Variants in SNX29 observed in about 807,000 individuals in gnomAD.
The protein encoded by SNX29 is sorting nexin-29.
SNX29 carries 78 observed loss-of-function variants against 102.1 expected under a neutral mutation model. That is an observed-to-expected ratio of 0.76 (90% CI 0.64 to 0.92). The LOEUF (loss-of-function observed/expected upper bound fraction) is 0.92. Ranked by LOEUF, SNX29 falls within the 40% of genes least tolerant of loss-of-function variation. The probability of loss-of-function intolerance (pLI) is 0.00; values close to 1 mark genes in which losing one functional copy is unlikely to be tolerated. For missense variants in SNX29, 1,280 were observed against 1,061.7 expected (o/e 1.21, Z -2.86); for synonymous variants, 580 against 414.5 (o/e 1.40, Z -4.85).
chr16:12,558,826 CCA>C (rs2078538617), intron 20 of SNX29, among the ~76,000 whole-genome samples: 1 of 152,162 alleles, frequency 6.6e-6, no homozygotes, highest in African/African-American at 2.4e-5. Flanking sequence ...AGGGGCAGGG[CCA>C]CAGTCACCAA....
At chr16:12,294,086 G>A (rs577035065) in intron 15 of SNX29, among the ~76,000 whole-genome samples, 2 of 152,306 alleles carry the variant, frequency 1.3e-5, no homozygotes, top group Admixed American at 1.3e-4. Context: ...AGGAGATGAC[G>A]GTCAGTCCCC....
chr16:12,059,003 A>G (rs920279038), intron 8 of SNX29, among the ~76,000 whole-genome samples: 1 of 151,848 alleles, frequency 6.6e-6, no homozygotes, highest in Non-Finnish European at 1.5e-5. Context: ...TCTTGGGCTC[A>G]AGTGATCCTT....
intron 10 of SNX29, among the ~76,000 whole-genome samples, chr16:12,070,754 C>G (rs1263566247): frequency 6.6e-6 from 1 of 152,140 alleles, no homozygotes; most frequent in African/African-American, 2.4e-5. Flanking sequence ...AATCGCCACA[C>G]TGACTTCCAC....
chr16:12,536,409 C>A (rs571261353), intron 20 of SNX29, among the ~76,000 whole-genome samples: 5 of 152,002 alleles, frequency 3.3e-5, no homozygotes, highest in Admixed American at 3.3e-4. Flanking sequence ...AGCAGAATGG[C>A]CTCATCAGTA....
chr16:12,034,872 A>G (rs1196719313), intron 4 of SNX29, among the ~76,000 whole-genome samples: 4 of 152,160 alleles, frequency 2.6e-5, no homozygotes, highest in Non-Finnish European at 4.4e-5. Flanking sequence ...TTAGCTGGGC[A>G]TGGTGGTAGG....
intron 13 of SNX29, among the ~76,000 whole-genome samples, chr16:12,148,757 G>A (rs1041442440): frequency 5.9e-5 from 9 of 152,072 alleles, no homozygotes; most frequent in African/African-American, 1.9e-4. Flanking sequence ...GAGTACAATG[G>A]CACGATCTTG....
At chr16:12,215,939 G>T (rs993126465) in intron 14 of SNX29, among the ~76,000 whole-genome samples, 1 of 152,144 alleles carries the variant, frequency 6.6e-6, no homozygotes, top group Non-Finnish European at 1.5e-5. Context: ...GGAGTGGTGC[G>T]TGCACAGTTG....
At chr16:12,146,848 G>C (rs773851237) in intron 13 of SNX29, among the ~76,000 whole-genome samples, 2 of 152,190 alleles carry the variant, frequency 1.3e-5, no homozygotes, top group Non-Finnish European at 2.9e-5. Context: ...ATGACCAACA[G>C]TGGAAAGCCA....
At chr16:12,408,111 T>C (rs997866166) in intron 18 of SNX29, among the ~76,000 whole-genome samples, 5 of 151,276 alleles carry the variant, frequency 3.3e-5, no homozygotes, top group South Asian at 2.1e-4. Context: ...TGAGCTGTTA[T>C]AATGCCACTG....
intron 4 of SNX29, among the ~76,000 whole-genome samples, chr16:12,031,892 T>C (rs2057356324): frequency 6.6e-6 from 1 of 152,164 alleles, no homozygotes; most frequent in African/African-American, 2.4e-5. Flanking sequence ...AAGTGTACAA[T>C]TCAGTGTAAG....
chr16:11,978,059 G>C (rs1264821523), intron 1 of SNX29, among the ~76,000 whole-genome samples: 1 of 152,156 alleles, frequency 6.6e-6, no homozygotes, highest in East Asian at 1.9e-4. Context: ...AGTTATCTCT[G>C]TGGACCTTTT....
chr16:12,357,062 G>C (rs1597055494), intron 16 of SNX29, among the ~76,000 whole-genome samples: 1 of 152,218 alleles, frequency 6.6e-6, no homozygotes, highest in African/African-American at 2.4e-5. Context: ...CCAGTATTTT[G>C]CTATTACAAA....
intron 19 of SNX29, among the ~76,000 whole-genome samples, chr16:12,513,681 C>A (rs545887525): frequency 5.9e-5 from 9 of 152,242 alleles, no homozygotes; most frequent in African/African-American, 2.2e-4. Context: ...GGGCCAAGTC[C>A]CAGTATAAAG....
At chr16:12,220,502 T>A (rs1202473886) in intron 14 of SNX29, among the ~76,000 whole-genome samples, 1 of 152,088 alleles carries the variant, frequency 6.6e-6, no homozygotes, top group East Asian at 1.9e-4. Flanking sequence ...GATTTTATCC[T>A]CAGGCTAGGG....
chr16:12,391,978 C>A (rs1027421946), intron 16 of SNX29, among the ~76,000 whole-genome samples: 6 of 152,214 alleles, frequency 3.9e-5, no homozygotes, highest in Admixed American at 2.0e-4. Flanking sequence ...CATCGTCTCT[C>A]CTCTGACGCT....
chr16:12,159,894 C>G (rs964526459), intron 13 of SNX29, among the ~76,000 whole-genome samples: 5 of 152,202 alleles, frequency 3.3e-5, no homozygotes, highest in African/African-American at 1.2e-4. Context: ...TCACTGCACT[C>G]TTTGTAGCCC....
chr16:12,454,151 C>T (rs1033346489), intron 18 of SNX29, among the ~76,000 whole-genome samples: 2 of 152,148 alleles, frequency 1.3e-5, no homozygotes, highest in African/African-American at 4.8e-5. Context: ...GTGGTACATG[C>T]CTTGCCTTTC....
intron 11 of SNX29, chr16:12,090,391 G>A (rs1052525696): frequency 6.6e-6 from 1 of 152,376 alleles, no homozygotes; most frequent in African/African-American, 2.4e-5. Flanking sequence ...GAGGCAGTGG[G>A]AGGGAATGGG....
intron 20 of SNX29, among the ~76,000 whole-genome samples, chr16:12,541,391 C>T (rs1002594451): frequency 6.6e-6 from 1 of 152,142 alleles, no homozygotes; most frequent in African/African-American, 2.4e-5. Context: ...CATGTGCAGG[C>T]TCATTGTACA....
Sources: gnomAD v4.1 joint callset for allele counts (sites outside exome capture counted in the v4.1 genomes callset) on GRCh38, gnomAD v4.1.1 for gene constraint, MANE v1.5 for transcripts, NCBI Gene and HGNC (gene_info 2026-07-23, HGNC 2026-07-21) for gene names.